The following EIF2B3 variants were observed in gnomAD, a reference collection of about 807,000 sequenced individuals.
EIF2B3 encodes the protein translation initiation factor eIF2B subunit gamma.
Under a neutral mutation model 54.1 loss-of-function variants are expected in EIF2B3, and 20 were observed. That is an observed-to-expected ratio of 0.37 (90% CI 0.26 to 0.54). The LOEUF (loss-of-function observed/expected upper bound fraction) is 0.54. Ranked by LOEUF, EIF2B3 falls within the 20% of genes least tolerant of loss-of-function variation. EIF2B3 has a pLI of 0.86. For missense variants in EIF2B3, 448 were observed against 547.8 expected, an observed-to-expected ratio of 0.82 and a Z score of 1.82; for synonymous variants, 153 against 188.1, an observed-to-expected ratio of 0.81 and a Z score of 1.52.
intron 3 of EIF2B3, among the ~76,000 whole-genome samples, chr1:44,973,849 G>C (rs530171492): frequency 3.5e-4 from 54 of 152,234 alleles, no homozygotes; most frequent in African/African-American, 1.3e-3. Context: ...TAGAGTTTCA[G>C]TTTCACAAGA....
chr1:44,977,050 ATTTT>A (rs1379454019), intron 3 of EIF2B3, among the ~76,000 whole-genome samples: 1 of 152,216 alleles, frequency 6.6e-6, no homozygotes, highest in African/African-American at 2.4e-5. Context: ...ATTTGCATTA[ATTTT>A]TTGTTTTATA....
At chr1:44,920,884 CCTTTCTTGTGGGT>C (rs1332910984) in intron 5 of EIF2B3, among the ~76,000 whole-genome samples, 1 of 152,150 alleles carries the variant, frequency 6.6e-6, no homozygotes, top group Non-Finnish European at 1.5e-5. Flanking sequence ...ATACTGATTT[CCTTTCTTGTGGGT>C]ATATACCTAG....
intron 6 of EIF2B3, among the ~76,000 whole-genome samples, chr1:44,882,258 C>T (rs187420085): frequency 6.6e-6 from 1 of 152,150 alleles, no homozygotes; most frequent in African/African-American, 2.4e-5. Flanking sequence ...TTAAGCTAAT[C>T]AGGTAGGCAA....
intron 5 of EIF2B3, among the ~76,000 whole-genome samples, chr1:44,926,262 ACC>A (rs1643848271): frequency 6.6e-6 from 1 of 152,006 alleles, no homozygotes; most frequent in African/African-American, 2.4e-5. Flanking sequence ...GCCAAACCAA[ACC>A]AAACCAAAAC....
At chr1:44,932,824 T>C (rs986625443) in intron 4 of EIF2B3, among the ~76,000 whole-genome samples, 1 of 152,150 alleles carries the variant, frequency 6.6e-6, no homozygotes, top group Non-Finnish European at 1.5e-5. Flanking sequence ...AGCCAAAATA[T>C]GAAACAAATA....
rs552351929 is a variant in EIF2B3 at position 44,893,377 on chromosome 1, GCT to G, written c.656+3976_656+3977del. ...TAGCTGAGGCAAGGAAGTTGTGACT[GCT>G]CTGTTACTCTTTCAAGTGCAAATCA... On this transcript the variant is annotated intron_variant, in intron 6 of 11. Coordinates refer to ENST00000360403, the MANE Select transcript of EIF2B3 (RefSeq NM_020365.5). 2.7e-4 allele frequency among the ~76,000 whole-genome samples: 41 copies of G among 152,320 alleles called. 2 individuals are homozygous for G. In the South Asian group the frequency reaches 8.3e-3, roughly 31 times the overall value.
rs60757270 is a variant in EIF2B3 at position 44,910,631 on chromosome 1, C to CTT, written c.567-13189_567-13188dup. ...TCCCTCCCCACCCCCCCAAGTAATG[C>CTT]TTTTTTTTTTTTTTTTTTTTTTTTT... On this transcript the variant is annotated intron_variant, in intron 5 of 11. Transcript: ENST00000360403. 1.3e-3 allele frequency among the ~76,000 whole-genome samples: 82 copies of CTT among 61,410 alleles called. 5 individuals are homozygous for CTT. Among genetic ancestry groups the CTT allele is most frequent in the East Asian group, 0.013 (16 of 1,276 alleles). The allele number at this position is 61,410 out of a possible 152,430, so 40.3% of individuals were successfully genotyped here. A position where few individuals can be genotyped will look rare whatever the true frequency, so the allele number is the denominator to read the frequency against.
At chr1:44,858,960 C>T (rs1654524427) in intron 10 of EIF2B3, among the ~76,000 whole-genome samples, 1 of 152,164 alleles carries the variant, frequency 6.6e-6, no homozygotes, top group Non-Finnish European at 1.5e-5. Context: ...AAAGCATACA[C>T]CAAGAGCAGC....
chr1:44,854,145 G>A (rs12723764), intron 11 of EIF2B3, among the ~76,000 whole-genome samples: 28,331 of 151,870 alleles, frequency 0.19, 2,885 homozygotes, highest in Admixed American at 0.28. Context: ...TGGGATTACA[G>A]GTGTGTGCCA....
chr1:44,897,440 G>A lies in EIF2B3; in HGVS notation c.571C>T (p.Pro191Ser). The change falls in exon 6 of 12, where the codon CCT becomes TCT. Residue 191 changes from proline to serine, a missense_variant. Coordinates refer to ENST00000360403, the MANE Select transcript of EIF2B3 (RefSeq NM_020365.5). ...VIKGSILQKH[P>S]RIRFHTGLVD... Reference sequence around the variant, plus strand: ...AGACCCGTGTGGAAACGTATTCTAGGATGCCTGCAAAAAAATAAAAAATAA... The same window carrying A: ...AGACCCGTGTGGAAACGTATTCTAGAATGCCTGCAAAAAAATAAAAAATAA... 1.2e-6 allele frequency: 2 copies of A among 1,609,470 alleles called. No individual in the cohort carries two copies. The highest frequency in any genetic ancestry group is 1.7e-6 in the Non-Finnish European group (2 of 1,177,928).
intron 10 of EIF2B3, among the ~76,000 whole-genome samples, chr1:44,858,863 G>A (rs140890392): frequency 4.1e-4 from 62 of 152,168 alleles, no homozygotes; most frequent in African/African-American, 1.5e-3. Flanking sequence ...CAAGTCTCTG[G>A]GACTACAGGT....
At chr1:44,967,407 A>T (rs1166644410) in intron 3 of EIF2B3, among the ~76,000 whole-genome samples, 3 of 146,556 alleles carry the variant, frequency 2.0e-5, no homozygotes, top group African/African-American at 7.6e-5. Context: ...AGATCCCACC[A>T]CTGCACTCCA....
chr1:44,981,727 G>A (rs1644515334), intron 1 of EIF2B3, among the ~76,000 whole-genome samples: 1 of 151,950 alleles, frequency 6.6e-6, no homozygotes, highest in Non-Finnish European at 1.5e-5. Flanking sequence ...CATGAGCTCA[G>A]GAGTTCGAGA....
At chr1:44,967,770 G>A (rs1167607353) in intron 3 of EIF2B3, among the ~76,000 whole-genome samples, 4 of 141,606 alleles carry the variant, frequency 2.8e-5, no homozygotes, top group South Asian at 2.2e-4. Context: ...GGCCAGGCAC[G>A]GTGTCACGCC....
chr1:44,935,407 T>C (rs1254113808), intron 4 of EIF2B3, among the ~76,000 whole-genome samples: 1 of 152,232 alleles, frequency 6.6e-6, no homozygotes, highest in Non-Finnish European at 1.5e-5. Context: ...TTAAGATATA[T>C]ATGCATATAC....
chr1:44,946,441 T>G (rs1427644960), intron 3 of EIF2B3, among the ~76,000 whole-genome samples: 1 of 144,460 alleles, frequency 6.9e-6, no homozygotes, highest in East Asian at 2.0e-4. Flanking sequence ...ACCTTCATAA[T>G]ACCTTTTTTT....
At chr1:44,974,701 T>C (rs1277233186) in intron 3 of EIF2B3, among the ~76,000 whole-genome samples, 1 of 151,588 alleles carries the variant, frequency 6.6e-6, no homozygotes, top group Admixed American at 6.6e-5. Flanking sequence ...AGAATAAAGA[T>C]TAAGAAGGAA....
chr1:44,958,986 A>G lies in EIF2B3; in HGVS notation c.295-17321T>C, dbSNP rs474207. On this transcript the variant is annotated intron_variant, in intron 3 of 11. Transcript: ENST00000360403. ...ATTGACCTCTATGAAAGGGGAAGTC[A>G]CCTCCATGAAGAAAGTGCTAGAAGA... 6,177 of 749,968 alleles carry G rather than the reference A, an allele frequency of 8.2e-3. 50 individuals are homozygous for G. The highest frequency in any genetic ancestry group is 0.026 in the African/African-American group (1,485 of 57,702). 46.5% of individuals were successfully genotyped at this position (749,968 alleles called of 1,614,324 possible).
At chr1:44,971,554 T>C (rs1039431039) in intron 3 of EIF2B3, among the ~76,000 whole-genome samples, 2 of 152,134 alleles carry the variant, frequency 1.3e-5, no homozygotes. Flanking sequence ...GATCTCTAGC[T>C]TACTGGGCCA....
Sources: allele counts gnomAD v4.1 joint callset (sites outside exome capture counted in the v4.1 genomes callset), GRCh38; gene constraint gnomAD v4.1.1; transcripts MANE v1.5; gene names NCBI Gene and HGNC (gene_info 2026-07-23, HGNC 2026-07-21).